SUZ12: variants seen among roughly 807,000 people sequenced by gnomAD.
SUZ12 encodes SUZ12 polycomb repressive complex 2 subunit, also known as polycomb protein SUZ12.
A neutral mutation model predicts 87.3 loss-of-function variants in SUZ12; 17 were observed. The observed-to-expected ratio is 0.19, with a 90% CI of 0.13 to 0.29. The LOEUF (loss-of-function observed/expected upper bound fraction) is 0.29. SUZ12 is among the 10% of genes least tolerant of loss of function. SUZ12 has a pLI of 1.00. For missense variants in SUZ12, 526 were observed against 912.2 expected (o/e 0.58, Z 5.45); for synonymous variants, 253 against 312.4 (o/e 0.81, Z 2.01).
At chr17:31,955,729 CAG>C (rs1907279772) in intron 4 of SUZ12, among the ~76,000 whole-genome samples, 1 of 151,638 alleles carries the variant, frequency 6.6e-6, no homozygotes, top group African/African-American at 2.4e-5. Context: ...GCATGGGCGA[CAG>C]AGTGAGACTA....
At chr17:31,948,728 TA>T (rs1906779482) in intron 4 of SUZ12, among the ~76,000 whole-genome samples, 1 of 152,234 alleles carries the variant, frequency 6.6e-6, no homozygotes, top group Non-Finnish European at 1.5e-5. Flanking sequence ...GGTTGAAGTA[TA>T]ATTTATATTT....
chr17:31,977,325 A>G (rs962144507), intron 8 of SUZ12, among the ~76,000 whole-genome samples: 4 of 146,704 alleles, frequency 2.7e-5, no homozygotes, highest in African/African-American at 1.0e-4. Flanking sequence ...TCACCCAGGC[A>G]GGAGTGCAGT....
At chr17:31,988,296 C>G (rs1909519891) in intron 9 of SUZ12, 24 bp from the exon 10 acceptor site, 2 of 1,517,698 alleles carry the variant, frequency 1.3e-6, no homozygotes, top group African/African-American at 2.8e-5. Context: ...AGTCTCCAGT[C>G]TTTGCATGTT....
chr17:31,948,025 C>T (rs1188312629), intron 4 of SUZ12, among the ~76,000 whole-genome samples: 1 of 152,062 alleles, frequency 6.6e-6, no homozygotes, highest in Non-Finnish European at 1.5e-5. Context: ...AGTATATGTG[C>T]TAGGTACTGT....
At chr17:31,941,229 T>A (rs1315927625) in intron 3 of SUZ12, among the ~76,000 whole-genome samples, 2 of 141,596 alleles carry the variant, frequency 1.4e-5, no homozygotes, top group Admixed American at 7.1e-5. Context: ...AGCCTCCTTA[T>A]TTTTTTTTTT....
At chr17:31,970,704 G>A (rs1908375951) in intron 5 of SUZ12, among the ~76,000 whole-genome samples, 1 of 152,020 alleles carries the variant, frequency 6.6e-6, no homozygotes, top group African/African-American at 2.4e-5. Flanking sequence ...GGGAGGCTGA[G>A]GCAGGGAGAA....
At chr17:31,952,558 CT>C (rs1401377504) in intron 4 of SUZ12, among the ~76,000 whole-genome samples, 1 of 151,860 alleles carries the variant, frequency 6.6e-6, no homozygotes, top group African/African-American at 2.4e-5. Flanking sequence ...TTGGAATTAT[CT>C]TTTTTTTGTT....
intron 4 of SUZ12, among the ~76,000 whole-genome samples, chr17:31,953,535 G>A (rs1907110634): frequency 6.6e-6 from 1 of 151,852 alleles, no homozygotes; most frequent in Non-Finnish European, 1.5e-5. Flanking sequence ...AGCCTCCTGA[G>A]TAGCTGGGAC....
rs145124578 is a variant in SUZ12 at position 31,941,738 on chromosome 17, A to G, written c.386+1252A>G. 1.4e-3 allele frequency among the ~76,000 whole-genome samples: 207 copies of G among 151,630 alleles called. 3 individuals are homozygous for G. In the East Asian group the frequency reaches 0.034, roughly 25 times the overall value. ...CTAATTTTTTGTATTTTTGGTAGAGATGGGGTTTCTCTGTGTTAGCCAGGA... is the reference window on the plus strand; with the variant it reads ...CTAATTTTTTGTATTTTTGGTAGAGGTGGGGTTTCTCTGTGTTAGCCAGGA... On this transcript the variant is annotated intron_variant, in intron 3 of 15. Coordinates refer to ENST00000322652, the MANE Select transcript of SUZ12 (RefSeq NM_015355.4).
chr17:31,973,576 AAG>A (rs754574901), intron 6 of SUZ12, among the ~76,000 whole-genome samples: 13 of 152,336 alleles, frequency 8.5e-5, no homozygotes, highest in East Asian at 7.7e-4. Flanking sequence ...GGTAAGGGCT[AAG>A]AGAGAGTTTT....
intron 4 of SUZ12, among the ~76,000 whole-genome samples, chr17:31,957,578 A>AT (rs1190732313): frequency 1.3e-5 from 2 of 151,322 alleles, no homozygotes; most frequent in African/African-American, 2.4e-5. Context: ...CGCCTAGCTA[A>AT]TTTTTTTGCA....
At chr17:31,950,463 C>T (rs1247009727) in intron 4 of SUZ12, among the ~76,000 whole-genome samples, 1 of 152,024 alleles carries the variant, frequency 6.6e-6, no homozygotes, top group African/African-American at 2.4e-5. Context: ...GTGGGTGGAT[C>T]ACTTGAGGCT....
At chr17:31,968,113 T>C (rs925402098) in intron 5 of SUZ12, among the ~76,000 whole-genome samples, 3 of 152,176 alleles carry the variant, frequency 2.0e-5, no homozygotes, top group Non-Finnish European at 4.4e-5. Context: ...GAGGCTGCAG[T>C]GAGCCAAGAT....
chr17:31,964,552 A>G (rs1938652857), intron 4 of SUZ12, among the ~76,000 whole-genome samples: 1 of 151,690 alleles, frequency 6.6e-6, no homozygotes, highest in African/African-American at 2.4e-5. Flanking sequence ...GACTACAGCC[A>G]TGTGCCACCA....
chr17:31,962,618 A>G (rs574568960), intron 4 of SUZ12, among the ~76,000 whole-genome samples: 303 of 152,240 alleles, frequency 2.0e-3, no homozygotes, highest in African/African-American at 6.6e-3. Flanking sequence ...CTTAAGCCTC[A>G]CACTCTCTGT....
chr17:31,972,994 T>G, intron 5 of SUZ12, 152 bp from the exon 6 acceptor site: 1 of 554,664 alleles, frequency 1.8e-6, no homozygotes, highest in Non-Finnish European at 3.1e-6. Context: ...TGCTGTAAGT[T>G]TGGAACTGAT....
intron 10 of SUZ12, among the ~76,000 whole-genome samples, chr17:31,990,128 T>C (rs1482949357): frequency 2.2e-5 from 3 of 133,678 alleles, no homozygotes; most frequent in Non-Finnish European, 4.8e-5. Flanking sequence ...CTAATTTTTT[T>C]TTTTTTTTTT....
chr17:31,989,956 T>C (rs548691352), intron 10 of SUZ12, among the ~76,000 whole-genome samples: 2 of 150,074 alleles, frequency 1.3e-5, no homozygotes, highest in Non-Finnish European at 3.0e-5. Context: ...TCTGTTTGTT[T>C]GTTTTGTTTG....
Position 31,973,238 on chromosome 17 carries a change from T to C in SUZ12, c.591+7T>C, listed in dbSNP as rs796894065. On this transcript the variant is annotated splice_region_variant and intron_variant, in intron 6 of 15. Transcript: ENST00000322652. ...TTGCCACAAAAAAAGAAAGGTAATG[T>C]CAACAAAATGATATTGGTAGATTAA... 6.9e-7 allele frequency: 1 copy of C among 1,443,206 alleles called. No individual in the cohort carries two copies. The highest frequency in any genetic ancestry group is 1.3e-5 in the South Asian group (1 of 77,460). The allele number at this position is 1,443,206 out of a possible 1,614,324, so 89.4% of individuals were successfully genotyped here.
Sources: gnomAD v4.1 joint callset for allele counts (sites outside exome capture counted in the v4.1 genomes callset) on GRCh38, gnomAD v4.1.1 for gene constraint, MANE v1.5 for transcripts, NCBI Gene and HGNC (gene_info 2026-07-23, HGNC 2026-07-21) for gene names.